The following MDGA2 variants were observed in gnomAD, a reference collection of about 807,000 sequenced individuals.
The protein encoded by MDGA2 is MAM domain containing glycosylphosphatidylinositol anchor 2.
In MDGA2, 40 loss-of-function variants were observed where a neutral mutation model predicts 117.8. That is an observed-to-expected ratio of 0.34 (90% CI 0.26 to 0.44). The LOEUF is 0.44. Among genes scored for constraint, MDGA2 ranks in the 20% least tolerant of loss-of-function variants. MDGA2 has a pLI of 1.00. For synonymous variants in MDGA2, 452 were observed against 439.0 expected (o/e 1.03, Z -0.37); for missense variants, 1,123 against 1,250.6 (o/e 0.90, Z 1.54).
At position 47,201,782 on chromosome 14, in the gene MDGA2, C is replaced by G. The variant is rs146556956; in HGVS notation, c.595+16239G>C. On this transcript the variant is annotated intron_variant, in intron 3 of 16. Coordinates refer to ENST00000399232, the MANE Select transcript of MDGA2 (RefSeq NM_001113498.3). ...TCCTAAAGTTATCTGAGTTTTTATT[C>G]CAGTCCCTCCAGATTCTCAATTCCA... 7.9e-5 allele frequency among the ~76,000 whole-genome samples: 12 copies of G among 152,258 alleles called. No homozygotes were observed. In the Middle Eastern group the frequency reaches 0.01, roughly 129 times the overall value.
chr14:47,623,101 T>C (rs1283400718), intron 1 of MDGA2, among the ~76,000 whole-genome samples: 3 of 152,170 alleles, frequency 2.0e-5, no homozygotes, highest in Admixed American at 6.5e-5. Flanking sequence ...TTAATGCCAA[T>C]ATCTCAGGCA....
intron 2 of MDGA2, among the ~76,000 whole-genome samples, chr14:47,232,702 G>A (rs969880035): frequency 2.0e-5 from 3 of 152,060 alleles, no homozygotes; most frequent in African/African-American, 4.8e-5. Flanking sequence ...AAAGAAAACC[G>A]CAGCTTTATT....
chr14:47,379,428 T>G (rs1236141756), intron 1 of MDGA2, among the ~76,000 whole-genome samples: 1 of 152,216 alleles, frequency 6.6e-6, no homozygotes, highest in African/African-American at 2.4e-5. Context: ...ACTGGCAAAT[T>G]GGATAAAGAG....
intron 7 of MDGA2, among the ~76,000 whole-genome samples, chr14:47,041,962 A>G (rs1889085842): frequency 6.6e-6 from 1 of 152,034 alleles, no homozygotes; most frequent in South Asian, 2.1e-4. Context: ...TATTTCTTTC[A>G]ATATAAGAAT....
At chr14:47,642,647 A>G (rs1469227246) in intron 1 of MDGA2, among the ~76,000 whole-genome samples, 1 of 150,344 alleles carries the variant, frequency 6.7e-6, no homozygotes. Context: ...AGCCCTATCT[A>G]TGTATCTATC....
At chr14:47,359,368 AG>A (rs1454174491) in intron 1 of MDGA2, among the ~76,000 whole-genome samples, 1 of 151,948 alleles carries the variant, frequency 6.6e-6, no homozygotes, top group Admixed American at 6.6e-5. Context: ...CAAACAAACA[AG>A]CAAACAAACA....
intron 1 of MDGA2, among the ~76,000 whole-genome samples, chr14:47,379,845 C>A (rs7159072): frequency 1.3e-5 from 2 of 152,160 alleles, no homozygotes; most frequent in African/African-American, 4.8e-5. Context: ...TATCCAGGAA[C>A]TGAACTCAGC....
At chr14:47,477,474 T>C (rs1050313827) in intron 1 of MDGA2, among the ~76,000 whole-genome samples, 8 of 152,202 alleles carry the variant, frequency 5.3e-5, no homozygotes, top group African/African-American at 1.9e-4. Flanking sequence ...CCAGAGTCCA[T>C]ACGCTGATTC....
At chr14:47,581,063 C>T (rs1896220614) in intron 1 of MDGA2, among the ~76,000 whole-genome samples, 1 of 151,988 alleles carries the variant, frequency 6.6e-6, no homozygotes, top group Non-Finnish European at 1.5e-5. Context: ...TAAATTTCTT[C>T]AATAATTTGC....
chr14:47,560,496 A>G (rs1056089234), intron 1 of MDGA2, among the ~76,000 whole-genome samples: 14 of 152,046 alleles, frequency 9.2e-5, no homozygotes, highest in Non-Finnish European at 1.9e-4. Flanking sequence ...GGTCATGTTT[A>G]TGTCTTCTTT....
intron 1 of MDGA2, among the ~76,000 whole-genome samples, chr14:47,304,429 C>G (rs1007674609): frequency 6.6e-6 from 1 of 152,032 alleles, no homozygotes; most frequent in Non-Finnish European, 1.5e-5. Flanking sequence ...CCAAACTAGA[C>G]CCAGACCTAG....
chr14:46,916,647 G>GA (rs1007293001), intron 10 of MDGA2, among the ~76,000 whole-genome samples: 57 of 151,946 alleles, frequency 3.8e-4, no homozygotes, highest in African/African-American at 1.3e-3. Flanking sequence ...TTATAGTTTT[G>GA]AAAAAAAGAG....
intron 8 of MDGA2, among the ~76,000 whole-genome samples, chr14:46,981,175 G>T (rs1007234080): frequency 4.7e-5 from 7 of 149,592 alleles, no homozygotes; most frequent in Non-Finnish European, 1.0e-4. Flanking sequence ...AGGCCAAGGG[G>T]GGGGCGGATC....
chr14:46,862,997 T>C (rs1881573505), intron 14 of MDGA2, among the ~76,000 whole-genome samples: 1 of 152,072 alleles, frequency 6.6e-6, no homozygotes. Context: ...CCAAAATGTT[T>C]TTAAATTATA....
chr14:47,541,121 G>C (rs558038369), intron 1 of MDGA2, among the ~76,000 whole-genome samples: 72 of 152,224 alleles, frequency 4.7e-4, no homozygotes, highest in African/African-American at 1.7e-3. Flanking sequence ...GCTGGGGTGA[G>C]TCCCTGAGTG....
intron 1 of MDGA2, among the ~76,000 whole-genome samples, chr14:47,325,859 T>C (rs919034631): frequency 6.6e-6 from 1 of 152,168 alleles, no homozygotes; most frequent in Non-Finnish European, 1.5e-5. Context: ...GATAAAATTA[T>C]AGAGAGGCCA....
intron 8 of MDGA2, among the ~76,000 whole-genome samples, chr14:46,973,770 A>G (rs889386695): frequency 6.6e-6 from 1 of 152,196 alleles, no homozygotes; most frequent in Admixed American, 6.6e-5. Flanking sequence ...CAGATGATAG[A>G]AAACCATGCA....
chr14:47,011,051 T>G (rs892966798), intron 8 of MDGA2, among the ~76,000 whole-genome samples: 17 of 152,048 alleles, frequency 1.1e-4, no homozygotes, highest in African/African-American at 3.6e-4. Context: ...ATTAGAAGTT[T>G]ACTTTGGAGA....
intron 2 of MDGA2, among the ~76,000 whole-genome samples, chr14:47,263,203 T>C (rs923349495): frequency 1.6e-5 from 2 of 126,152 alleles, no homozygotes; most frequent in African/African-American, 2.6e-5. Flanking sequence ...GGTCAATAAA[T>C]TGGAAATTTC....
Sources: allele counts gnomAD v4.1 joint callset (sites outside exome capture counted in the v4.1 genomes callset), GRCh38; gene constraint gnomAD v4.1.1; transcripts MANE v1.5; gene names NCBI Gene and HGNC (gene_info 2026-07-23, HGNC 2026-07-21).